The following PURB variants were observed in gnomAD, a reference collection of about 807,000 sequenced individuals.
PURB encodes the protein transcriptional regulator protein Pur-beta.
Under a neutral mutation model 21.1 loss-of-function variants are expected in PURB, and 11 were observed. That is an observed-to-expected ratio of 0.52 (90% confidence interval 0.33 to 0.86). PURB has a LOEUF of 0.86. Among genes scored for constraint, PURB ranks in the 40% least tolerant of loss-of-function variants. The pLI is 0.02. For synonymous variants in PURB, 246 were observed against 210.8 expected, an observed-to-expected ratio of 1.17 and a Z score of -1.45; for missense variants, 357 against 456.5, an observed-to-expected ratio of 0.78 and a Z score of 1.99.
chr7:44,877,080 T>C lies in PURB; in HGVS notation c.*7330A>G, dbSNP rs985834159. The C allele has an allele frequency of 3.9e-5, 6 of 152,624 alleles. No individual in the cohort carries two copies. The highest frequency in any genetic ancestry group is 7.2e-5 in the African/African-American group (3 of 41,464). The allele number at this position is 152,624 out of a possible 1,614,324, so 9.5% of individuals were successfully genotyped here. ...AGGAAGCTGTCTCCTGCTATCAAGA[T>C]TTGGTTTTAATTCATTCAAATTATT... On this transcript the variant is annotated 3_prime_UTR_variant, in exon 1 of 1. Transcript: ENST00000395699.
chr7:44,878,085 C>CAA lies in PURB; in HGVS notation c.*6324_*6325insTT, dbSNP rs763723645. Reference sequence around the variant, plus strand: ...TTCCAACCAGCCTGATCTTGCAACTCAGAGTTAAGACTGGGGACGAAATAT... The same window carrying CAA: ...TTCCAACCAGCCTGATCTTGCAACTCAAAGAGTTAAGACTGGGGACGAAATAT... On this transcript the variant is annotated 3_prime_UTR_variant, in exon 1 of 1. Transcript: ENST00000395699. 1 of 152,144 alleles carries CAA rather than the reference C, an allele frequency of 6.6e-6. No homozygotes were observed. The highest frequency in any genetic ancestry group is 1.5e-5 in the Non-Finnish European group (1 of 68,034). 9.4% of individuals were successfully genotyped at this position (152,144 alleles called of 1,614,324 possible).
rs976262784 is a variant in PURB, at chr7:44,883,864, C to G, written c.*546G>C. ...CCAAGTTGCATTTCTTTTCGTGAAC[C>G]TGAACCCTCAGAACTGGGTAATTGT... On this transcript the variant is annotated 3_prime_UTR_variant, in exon 1 of 1. Coordinates refer to ENST00000395699, the MANE Select transcript of PURB (RefSeq NM_033224.5). 2.0e-5 allele frequency: 3 copies of G among 153,004 alleles called. No homozygotes were observed. The highest frequency in any genetic ancestry group is 4.4e-5 in the Non-Finnish European group (3 of 68,712). The allele number at this position is 153,004 out of a possible 1,614,324, so 9.5% of individuals were successfully genotyped here.
In PURB at chr7:44,884,863, C is replaced by A; in HGVS notation, c.486G>T (p.Gly162=). ...RGGGGFGAGP[G]PGGLQSGQTI... is the part of the protein sequence containing the mutation. Reference sequence around the variant, plus strand: ...TCTGGCCGCTCTGCAAGCCGCCCGGCCCGGGGCCCGCGCCGAAGCCGCCAC... The same window carrying A: ...TCTGGCCGCTCTGCAAGCCGCCCGGACCGGGGCCCGCGCCGAAGCCGCCAC... The change falls in exon 1 of 1, where the codon GGG becomes GGT. Residue 162 remains glycine, a synonymous_variant. Coordinates refer to ENST00000395699, the MANE Select transcript of PURB (RefSeq NM_033224.5). 3 of 1,558,026 alleles carry A rather than the reference C, an allele frequency of 1.9e-6. No individual in the cohort carries two copies. The highest frequency in any genetic ancestry group is 2.6e-6 in the Non-Finnish European group (3 of 1,153,962).
rs142424326 is a variant in PURB, at chr7:44,884,056, G to A, written c.*354C>T. On this transcript the variant is annotated 3_prime_UTR_variant, in exon 1 of 1. Coordinates refer to ENST00000395699, the MANE Select transcript of PURB (RefSeq NM_033224.5). ...TGTTATCAATGGTCTGGGTAACTTG[G>A]ACATGTTTCTTGCCCTGGATGTGCA... The A allele has an allele frequency of 2.2e-5, 7 of 312,302 alleles. No homozygotes were observed. The East Asian group carries it at 3.6e-4, about 16-fold the overall frequency. The allele number at this position is 312,302 out of a possible 1,614,324, so 19.3% of individuals were successfully genotyped here. A position where few individuals can be genotyped will look rare whatever the true frequency, so the allele number is the denominator to read the frequency against.
At position 44,885,365 on chromosome 7, in the gene PURB, T is replaced by TCGCCGC; in HGVS notation, c.-23_-18dup. ...GTCCGCCATCTTCTAGGCCGCCGCC[T>TCGCCGC]CGCCGCCACCGCCCGCCGCGCTCGC... On this transcript the variant is annotated 5_prime_UTR_variant, in exon 1 of 1. Coordinates refer to ENST00000395699, the MANE Select transcript of PURB (RefSeq NM_033224.5). 5.5e-6 allele frequency: 6 copies of TCGCCGC among 1,090,096 alleles called. No homozygotes were observed. Among genetic ancestry groups the TCGCCGC allele is most frequent in the Non-Finnish European group, 6.9e-6 (6 of 875,482 alleles). 67.5% of individuals were successfully genotyped at this position (1,090,096 alleles called of 1,614,324 possible).
In PURB at chr7:44,876,942, C is replaced by CT. The variant is rs1304008222; in HGVS notation, c.*7467_*7468insA. 2.6e-5 allele frequency: 4 copies of CT among 152,740 alleles called. No individual in the cohort carries two copies. The East Asian group carries it at 7.7e-4, about 29-fold the overall frequency. The allele number at this position is 152,740 out of a possible 1,614,324, so 9.5% of individuals were successfully genotyped here. On this transcript the variant is annotated 3_prime_UTR_variant, in exon 1 of 1. Transcript: ENST00000395699. Reference sequence around the variant, plus strand: ...CTACAAATTCATACACAGGAATACACACTTGGTTTACAATGCATAAGCATG... The same window carrying CT: ...CTACAAATTCATACACAGGAATACACTACTTGGTTTACAATGCATAAGCATG...
At position 44,878,254 on chromosome 7, in the gene PURB, G is replaced by C. The variant is rs1379172275; in HGVS notation, c.*6156C>G. ...CTAGTGGACACTGAATAGGGCTATT[G>C]CTTTCTTTCCAATACTCTGGGCCCA... On this transcript the variant is annotated 3_prime_UTR_variant, in exon 1 of 1. Coordinates refer to ENST00000395699, the MANE Select transcript of PURB (RefSeq NM_033224.5). 1.3e-5 allele frequency: 2 copies of C among 152,168 alleles called. No homozygotes were observed. Among genetic ancestry groups the C allele is most frequent in the East Asian group, 3.9e-4 (2 of 5,192 alleles). The allele number at this position is 152,168 out of a possible 1,614,324, so 9.4% of individuals were successfully genotyped here.
rs1160626543 is a variant in PURB at position 44,883,968 on chromosome 7, C to T, written c.*442G>A. The stretch of plus-strand genomic sequence containing the variant: ...TCAATGGAGGTGAAGGGATAGACAC[C>T]GCAACAGTGAGGCCTAGAGAGATCT... On this transcript the variant is annotated 3_prime_UTR_variant, in exon 1 of 1. Transcript: ENST00000395699. 3 of 168,092 alleles carry T rather than the reference C, an allele frequency of 1.8e-5. No individual in the cohort carries two copies. Among genetic ancestry groups the T allele is most frequent in the Non-Finnish European group, 3.9e-5 (3 of 77,640 alleles). The allele number at this position is 168,092 out of a possible 1,614,324, so 10.4% of individuals were successfully genotyped here.
chr7:44,884,201 G>A lies in PURB; in HGVS notation c.*209C>T. 3 of 1,201,530 alleles carry A rather than the reference G, an allele frequency of 2.5e-6. No individual in the cohort carries two copies. Among genetic ancestry groups the A allele is most frequent in the Non-Finnish European group, 3.4e-6 (3 of 890,686 alleles). 74.4% of individuals were successfully genotyped at this position (1,201,530 alleles called of 1,614,324 possible). A position where few individuals can be genotyped will look rare whatever the true frequency, so the allele number is the denominator to read the frequency against. On this transcript the variant is annotated 3_prime_UTR_variant, in exon 1 of 1. Coordinates refer to ENST00000395699, the MANE Select transcript of PURB (RefSeq NM_033224.5). ...GCTGTTTTCCTCTTTGCAGGTTGCT[G>A]TCAGTTCCTTGGAACTTGACTGCTT... is the stretch of plus-strand genomic sequence containing the variant.
chr7:44,878,836 A>G lies in PURB; in HGVS notation c.*5574T>C, dbSNP rs1467644066. On this transcript the variant is annotated 3_prime_UTR_variant, in exon 1 of 1. Coordinates refer to ENST00000395699, the MANE Select transcript of PURB (RefSeq NM_033224.5). ...AGAGTCTGTTAAATCCGTCAGTAAT[A>G]AAACTGAGTTTTAAGACTGAGGGCT... 6.6e-6 allele frequency: 1 copy of G among 152,412 alleles called. No individual in the cohort carries two copies. Among genetic ancestry groups the G allele is most frequent in the African/African-American group, 2.4e-5 (1 of 41,460 alleles). The allele number at this position is 152,412 out of a possible 1,614,324, so 9.4% of individuals were successfully genotyped here.
At position 44,883,464 on chromosome 7, in the gene PURB, C is replaced by T. The variant is rs1240152759; in HGVS notation, c.*946G>A. ...GATCTGGCTCTCATTCATACCAAAG[C>T]ATTTCTTGGTAATGACCTCCATATT... On this transcript the variant is annotated 3_prime_UTR_variant, in exon 1 of 1. Coordinates refer to ENST00000395699, the MANE Select transcript of PURB (RefSeq NM_033224.5). The T allele has an allele frequency of 6.6e-6, 1 of 152,230 alleles. No homozygotes were observed. Among genetic ancestry groups the T allele is most frequent in the Non-Finnish European group, 1.5e-5 (1 of 67,942 alleles). 9.4% of individuals were successfully genotyped at this position (152,230 alleles called of 1,614,324 possible).
At position 44,884,003 on chromosome 7, in the gene PURB, G is replaced by A. The variant is rs1394803358; in HGVS notation, c.*407C>T. The A allele has an allele frequency of 4.5e-6, 1 of 223,800 alleles. No homozygotes were observed. The highest frequency in any genetic ancestry group is 9.0e-6 in the Non-Finnish European group (1 of 111,548). The allele number at this position is 223,800 out of a possible 1,614,324, so 13.9% of individuals were successfully genotyped here. On this transcript the variant is annotated 3_prime_UTR_variant, in exon 1 of 1. Coordinates refer to ENST00000395699, the MANE Select transcript of PURB (RefSeq NM_033224.5). ...AGGCCTAGAGAGATCTTTTATGCCA[G>A]ATTACCCAGGTGCAACCTAAATGCA...
rs1793903092 is a variant in PURB at position 44,883,104 on chromosome 7, C to T, written c.*1306G>A. On this transcript the variant is annotated 3_prime_UTR_variant, in exon 1 of 1. Coordinates refer to ENST00000395699, the MANE Select transcript of PURB (RefSeq NM_033224.5). ...ATTTCAGCTTCCACCGGGTGCACTGCTTGAATCACTCATCCATCATTTGCC... is the reference window on the plus strand; with the variant it reads ...ATTTCAGCTTCCACCGGGTGCACTGTTTGAATCACTCATCCATCATTTGCC... 1 of 152,598 alleles carries T rather than the reference C, an allele frequency of 6.6e-6. No homozygotes were observed. The highest frequency in any genetic ancestry group is 1.5e-5 in the Non-Finnish European group (1 of 68,046). The allele number at this position is 152,598 out of a possible 1,614,324, so 9.5% of individuals were successfully genotyped here.
Position 44,876,436 on chromosome 7 carries a change from T to C in PURB, c.*7974A>G, listed in dbSNP as rs1270371015. 6.5e-6 allele frequency: 1 copy of C among 152,676 alleles called. No individual in the cohort carries two copies. The highest frequency in any genetic ancestry group is 1.5e-5 in the Non-Finnish European group (1 of 68,048). The allele number at this position is 152,676 out of a possible 1,614,324, so 9.5% of individuals were successfully genotyped here. The stretch of plus-strand genomic sequence containing the variant: ...TTCTTACATTTTTTCTCTGTGAGTT[T>C]TTCTGTCAGTTTTGCTAGTTAGTGG... On this transcript the variant is annotated 3_prime_UTR_variant, in exon 1 of 1. Transcript: ENST00000395699.
At position 44,884,926 on chromosome 7, in the gene PURB, G is replaced by T; in HGVS notation, c.423C>A (p.Gly141=). 1 of 1,584,066 alleles carries T rather than the reference G, an allele frequency of 6.3e-7. No homozygotes were observed. ...YYLDLKENQR[G]RFLRIRQTVN... ...CCGTTTGGCGGATGCGCAGGAAGCGGCCGCGCTGGTTCTCCTTGAGGTCCA... is the reference window on the plus strand; with the variant it reads ...CCGTTTGGCGGATGCGCAGGAAGCGTCCGCGCTGGTTCTCCTTGAGGTCCA... Residue 141 remains glycine, a synonymous_variant, in exon 1 of 1, where the codon GGC becomes GGA. Coordinates refer to ENST00000395699, the MANE Select transcript of PURB (RefSeq NM_033224.5).
In PURB at chr7:44,885,482, G is replaced by GCCC. The variant is rs920228596; in HGVS notation, c.-137_-135dup. 1.0e-5 allele frequency: 2 copies of GCCC among 194,856 alleles called. No individual in the cohort carries two copies. Among genetic ancestry groups the GCCC allele is most frequent in the African/African-American group, 2.4e-5 (1 of 41,780 alleles). 12.1% of individuals were successfully genotyped at this position (194,856 alleles called of 1,614,324 possible). A position where few individuals can be genotyped will look rare whatever the true frequency, so the allele number is the denominator to read the frequency against. On this transcript the variant is annotated 5_prime_UTR_variant, in exon 1 of 1. Coordinates refer to ENST00000395699, the MANE Select transcript of PURB (RefSeq NM_033224.5). ...CCGCCGCTCATCGCCGGCCGCCGCCGCCCCCCCATCGCCTCCGCGCCCCGC... is the reference window on the plus strand; with the variant it reads ...CCGCCGCTCATCGCCGGCCGCCGCCGCCCCCCCCCCATCGCCTCCGCGCCCCGC...
chr7:44,879,312 CCACCA>C lies in PURB; in HGVS notation c.*5093_*5097del, dbSNP rs1793843071. 1.3e-5 allele frequency: 2 copies of C among 152,234 alleles called. No individual in the cohort carries two copies. Among genetic ancestry groups the C allele is most frequent in the African/African-American group, 4.8e-5 (2 of 41,442 alleles). The allele number at this position is 152,234 out of a possible 1,614,324, so 9.4% of individuals were successfully genotyped here. On this transcript the variant is annotated 3_prime_UTR_variant, in exon 1 of 1. Coordinates refer to ENST00000395699, the MANE Select transcript of PURB (RefSeq NM_033224.5). ...AGAGTGCTGGGATTACAGGCGTGAG[CCACCA>C]CGCCCGGCCGCATTTGGAATCTCAA...
At position 44,876,909 on chromosome 7, in the gene PURB, A is replaced by T. The variant is rs1213988911; in HGVS notation, c.*7501T>A. On this transcript the variant is annotated 3_prime_UTR_variant, in exon 1 of 1. Coordinates refer to ENST00000395699, the MANE Select transcript of PURB (RefSeq NM_033224.5). Reference sequence around the variant, plus strand: ...AAGGTGCAGCTTCTCTTGAAGCAGAAATCAGTTCTACAAATTCATACACAG... The same window carrying T: ...AAGGTGCAGCTTCTCTTGAAGCAGATATCAGTTCTACAAATTCATACACAG... The T allele has an allele frequency of 1.3e-5, 2 of 152,630 alleles. No individual in the cohort carries two copies. The highest frequency in any genetic ancestry group is 2.4e-5 in the African/African-American group (1 of 41,446). 9.5% of individuals were successfully genotyped at this position (152,630 alleles called of 1,614,324 possible). A position where few individuals can be genotyped will look rare whatever the true frequency, so the allele number is the denominator to read the frequency against.
chr7:44,884,245 C>G lies in PURB; in HGVS notation c.*165G>C. 7.1e-7 allele frequency: 1 copy of G among 1,405,704 alleles called. No homozygotes were observed. 87.1% of individuals were successfully genotyped at this position (1,405,704 alleles called of 1,614,324 possible). ...ACTGCTTTTCTCAAGTTGTCCGTCA[C>G]TGTTCTCTTACGATTATTTCTCTTA... On this transcript the variant is annotated 3_prime_UTR_variant, in exon 1 of 1. Coordinates refer to ENST00000395699, the MANE Select transcript of PURB (RefSeq NM_033224.5).
Sources: gnomAD v4.1 joint callset for allele counts on GRCh38, gnomAD v4.1.1 for gene constraint, MANE v1.5 for transcripts, NCBI Gene and HGNC (gene_info 2026-07-23, HGNC 2026-07-21) for gene names.